The following ATP2B1 variants were observed in gnomAD, a reference collection of about 807,000 sequenced individuals.
ATP2B1 encodes the protein plasma membrane calcium-transporting ATPase 1.
ATP2B1 carries 14 observed loss-of-function variants against 124.2 expected under a neutral mutation model. The observed-to-expected ratio is 0.11, with a 90% CI of 0.07 to 0.18. The LOEUF (loss-of-function observed/expected upper bound fraction) is 0.18, where lower values mean the gene tolerates loss of function less well. Among genes scored for constraint, ATP2B1 ranks in the 10% least tolerant of loss-of-function variants. The probability of loss-of-function intolerance (pLI) is 1.00; values close to 1 mark genes in which losing one functional copy is unlikely to be tolerated. For missense variants in ATP2B1, 763 were observed against 1,466.1 expected, an observed-to-expected ratio of 0.52 and a Z score of 7.83; for synonymous variants, 449 against 492.4, an observed-to-expected ratio of 0.91 and a Z score of 1.17.
intron 2 of ATP2B1, among the ~76,000 whole-genome samples, chr12:89,644,847 G>A (rs1314504013): frequency 6.6e-6 from 1 of 152,078 alleles, no homozygotes; most frequent in Non-Finnish European, 1.5e-5. Flanking sequence ...TAACATATTG[G>A]TTATAACAGG....
chr12:89,616,524 T>C (rs1488580108), intron 12 of ATP2B1, among the ~76,000 whole-genome samples: 1 of 152,150 alleles, frequency 6.6e-6, no homozygotes, highest in East Asian at 1.9e-4. Context: ...ATTATTTAAT[T>C]TAAGATAAAT....
chr12:89,670,410 G>A (rs1887808326), intron 1 of ATP2B1, among the ~76,000 whole-genome samples: 1 of 143,038 alleles, frequency 7.0e-6, no homozygotes, highest in Non-Finnish European at 1.5e-5. Flanking sequence ...CTGACTTTTT[G>A]TAGTTGTTGT....
intron 8 of ATP2B1, 152 bp downstream of exon 8, chr12:89,626,302 G>A (rs1880866428): frequency 4.8e-6 from 4 of 829,590 alleles, no homozygotes; most frequent in Admixed American, 6.4e-5. Context: ...AACTCAAAGG[G>A]CCTGGTGCAT....
Position 89,655,858 on chromosome 12 carries a change from G to A in ATP2B1, c.29C>T (p.Ala10Val), listed in dbSNP as rs763427775. 1.2e-6 allele frequency: 2 copies of A among 1,605,288 alleles called. No homozygotes were observed. Among genetic ancestry groups the A allele is most frequent in the Non-Finnish European group, 1.7e-6 (2 of 1,173,890 alleles). Residue 10 changes from alanine (A) to valine (V), a missense_variant, in exon 2 of 21, where the codon GCT becomes GTT. Physicochemically the swap from Ala to Val is moderately conservative, Grantham distance 64 (BLOSUM62 0). Coordinates refer to ENST00000428670, the MANE Select transcript of ATP2B1 (RefSeq NM_001366521.1). The part of the protein sequence containing the change: MGDMANNSV[A>V]YSGVKNSLKE... ...CAAAGAGTTTTTCACACCACTGTAAGCAACTGAGTTGTTTGCCATGTCGCC... is the reference window on the plus strand; with the variant it reads ...CAAAGAGTTTTTCACACCACTGTAAACAACTGAGTTGTTTGCCATGTCGCC...
rs772511364 is a variant in ATP2B1, at chr12:89,604,167, G to A, written c.2622C>T (p.Ala874=). 2 of 1,613,574 alleles carry A rather than the reference G, an allele frequency of 1.2e-6. No individual in the cohort carries two copies. The highest frequency in any genetic ancestry group is 1.1e-5 in the South Asian group (1 of 90,998). ...VVAVIVAFTG[A]CITQDSPLKA... ...AGTCATCACCTACTTGAGTAATGCA[G>A]GCGCCCGTAAAAGCAACAATCACTG... The change falls in exon 16 of 21, where the codon GCC becomes GCT. Residue 874 remains alanine (A), a synonymous_variant. Coordinates refer to ENST00000428670, the MANE Select transcript of ATP2B1 (RefSeq NM_001366521.1).
chr12:89,676,508 T>C (rs1270754355), intron 1 of ATP2B1, among the ~76,000 whole-genome samples: 1 of 152,042 alleles, frequency 6.6e-6, no homozygotes, highest in Non-Finnish European at 1.5e-5. Flanking sequence ...CCCAGGCTGA[T>C]CTCCACCTCC....
intron 5 of ATP2B1, among the ~76,000 whole-genome samples, chr12:89,631,326 T>C (rs1486345743): frequency 3.3e-5 from 5 of 152,178 alleles, no homozygotes; most frequent in Non-Finnish European, 7.4e-5. Flanking sequence ...TGAATGCTCA[T>C]TAATTGTAAC....
intron 15 of ATP2B1, 129 bp downstream of exon 15, chr12:89,609,804 TATTA>T (rs1300915491): frequency 2.8e-6 from 2 of 717,350 alleles, no homozygotes; most frequent in East Asian, 5.6e-5. Context: ...AATTTAAGCT[TATTA>T]ATTATCCCTC....
intron 12 of ATP2B1, among the ~76,000 whole-genome samples, chr12:89,614,163 T>G (rs564142836): frequency 6.6e-6 from 1 of 152,126 alleles, no homozygotes; most frequent in South Asian, 2.1e-4. Flanking sequence ...CGTAAGTCAA[T>G]GTATAGAACT....
chr12:89,594,321 G>C (rs1874154056), intron 20 of ATP2B1: 1 of 151,756 alleles, frequency 6.6e-6, no homozygotes, highest in Admixed American at 6.6e-5. Context: ...GTAACTGTGA[G>C]GAAAATAATA....
intron 1 of ATP2B1, among the ~76,000 whole-genome samples, chr12:89,659,415 G>A (rs1478258069): frequency 2.0e-5 from 3 of 151,318 alleles, no homozygotes. Flanking sequence ...GACTGGAGGT[G>A]GGCAAAAAAG....
intron 6 of ATP2B1, among the ~76,000 whole-genome samples, chr12:89,630,010 A>G (rs1297984006): frequency 6.6e-6 from 1 of 152,238 alleles, no homozygotes; most frequent in African/African-American, 2.4e-5. Context: ...TCAACATTTT[A>G]AAAAGATTTT....
chr12:89,591,935 T>A (rs1352069917), intron 20 of ATP2B1, among the ~76,000 whole-genome samples: 1 of 152,076 alleles, frequency 6.6e-6, no homozygotes, highest in East Asian at 1.9e-4. Context: ...AGTTTTAGTG[T>A]TTTTCTCTGT....
intron 2 of ATP2B1, among the ~76,000 whole-genome samples, chr12:89,647,985 A>G (rs1592854578): frequency 1.3e-5 from 2 of 152,206 alleles, no homozygotes; most frequent in Admixed American, 1.3e-4. Flanking sequence ...AGCCAGGCAG[A>G]TGCCAGTGCC....
At chr12:89,668,894 A>G (rs1040035819) in intron 1 of ATP2B1, among the ~76,000 whole-genome samples, 2 of 152,180 alleles carry the variant, frequency 1.3e-5, no homozygotes, top group African/African-American at 2.4e-5. Flanking sequence ...CATACTAAAG[A>G]GTTTTCCCTA....
intron 1 of ATP2B1, among the ~76,000 whole-genome samples, chr12:89,661,939 T>A (rs544561023): frequency 5.9e-5 from 9 of 152,286 alleles, no homozygotes; most frequent in African/African-American, 2.2e-4. Context: ...CTCTTAGATA[T>A]CAGCAGTGAT....
intron 2 of ATP2B1, among the ~76,000 whole-genome samples, chr12:89,651,615 A>G (rs866104058): frequency 6.6e-6 from 1 of 152,190 alleles, no homozygotes; most frequent in African/African-American, 2.4e-5. Context: ...AGAACCTTAA[A>G]CCAAAATTTT....
In ATP2B1 at chr12:89,603,312, G is replaced by C; in HGVS notation, c.2849-58C>G. 4 of 1,382,826 alleles carry C rather than the reference G, an allele frequency of 2.9e-6. No homozygotes were observed. In the Admixed American group the frequency reaches 9.3e-5, roughly 32 times the overall value. 85.7% of individuals were successfully genotyped at this position (1,382,826 alleles called of 1,614,324 possible). ...ATCATACCAAATTAGATTTCAAGGA[G>C]GTATACAAATTACAACTTAGCTAGA... On this transcript the variant is annotated intron_variant, in intron 17 of 20. Transcript: ENST00000428670. This position sits in a 1 kb window ranked among gnomAD's most constrained non-coding sequence, Gnocchi z 4.3.
At position 89,620,274 on chromosome 12, in the gene ATP2B1, C is replaced by T. The variant is rs146671887; in HGVS notation, c.1588-34G>A. ...GAAAAACATTTAGTAGCTAGTATCT[C>T]GTTTCTCTAAGAACGTTTAATTTAT... On this transcript the variant is annotated intron_variant, in intron 10 of 20. Coordinates refer to ENST00000428670, the MANE Select transcript of ATP2B1 (RefSeq NM_001366521.1). 873 of 1,605,046 alleles carry T rather than the reference C, an allele frequency of 5.4e-4. 1 individual carries two copies. The African/African-American group carries it at 8.4e-3, about 15-fold the overall frequency.
Sources: gnomAD v4.1 joint callset for allele counts (sites outside exome capture counted in the v4.1 genomes callset) on GRCh38, gnomAD v4.1.1 for gene constraint, Gnocchi (gnomAD v3.1) non-coding constraint, MANE v1.5 for transcripts, NCBI Gene and HGNC (gene_info 2026-07-23, HGNC 2026-07-21) for gene names.